Variants in CSMD1 observed in about 807,000 individuals in gnomAD.
CSMD1 encodes the protein CUB and sushi domain-containing protein 1.
Under a neutral mutation model 417.5 loss-of-function variants are expected in CSMD1, and 213 were observed. The observed-to-expected ratio is 0.51, with a 90% CI of 0.46 to 0.57. CSMD1 has a LOEUF of 0.57. Among genes scored for constraint, CSMD1 ranks in the 20% least tolerant of loss-of-function variants. The pLI is 0.00. For synonymous variants in CSMD1, 2,862 were observed against 1,736.8 expected, an observed-to-expected ratio of 1.65 and a Z score of -16.11; for missense variants, 6,923 against 4,529.7, an observed-to-expected ratio of 1.53 and a Z score of -15.17.
intron 1 of CSMD1, among the ~76,000 whole-genome samples, chr8:4,641,913 C>T (rs1447226553): frequency 6.6e-6 from 1 of 152,140 alleles, no homozygotes; most frequent in Non-Finnish European, 1.5e-5. Flanking sequence ...AGTCTTATTA[C>T]CAAAGATAAT....
intron 12 of CSMD1, among the ~76,000 whole-genome samples, chr8:3,435,945 G>C (rs544148170): frequency 6.6e-6 from 1 of 152,204 alleles, no homozygotes; most frequent in Non-Finnish European, 1.5e-5. Context: ...CAATTAACCA[G>C]ATGCAATCCA....
chr8:3,536,600 T>A (rs1018805963), intron 10 of CSMD1, among the ~76,000 whole-genome samples: 1 of 152,130 alleles, frequency 6.6e-6, no homozygotes, highest in Non-Finnish European at 1.5e-5. Flanking sequence ...CCATCATGAA[T>A]AGTGTGAACA....
intron 52 of CSMD1, among the ~76,000 whole-genome samples, chr8:3,002,597 C>T (rs1807504878): frequency 6.6e-6 from 1 of 152,216 alleles, no homozygotes; most frequent in Admixed American, 6.5e-5. Flanking sequence ...GAGCTCCTCT[C>T]ATTTTAGGGA....
intron 1 of CSMD1, among the ~76,000 whole-genome samples, chr8:4,761,912 A>AATCTATCT (rs60693169): frequency 0.026 from 2,656 of 100,876 alleles, 46 homozygotes; most frequent in East Asian, 0.058. Context: ...TCTATCTATC[A>AATCTATCT]ATCTATCTAT....
At chr8:4,468,836 A>G (rs180760784) in intron 2 of CSMD1, among the ~76,000 whole-genome samples, 1 of 152,158 alleles carries the variant, frequency 6.6e-6, no homozygotes, top group African/African-American at 2.4e-5. Context: ...CCCAAACAGC[A>G]ATTGAATTAT....
chr8:4,474,549 A>T (rs575415746), intron 2 of CSMD1, among the ~76,000 whole-genome samples: 1 of 152,286 alleles, frequency 6.6e-6, no homozygotes, highest in African/African-American at 2.4e-5. Context: ...GGGGTTTAGC[A>T]CTTTTGAGAG....
chr8:3,139,311 T>C (rs1054358475), intron 41 of CSMD1, among the ~76,000 whole-genome samples: 1 of 152,124 alleles, frequency 6.6e-6, no homozygotes, highest in African/African-American at 2.4e-5. Context: ...CAACCTCCTA[T>C]ATAGCTAAAG....
At chr8:3,602,433 G>C (rs1042260843) in intron 8 of CSMD1, among the ~76,000 whole-genome samples, 1 of 152,104 alleles carries the variant, frequency 6.6e-6, no homozygotes, top group African/African-American at 2.4e-5. Flanking sequence ...TTAGGGAGCA[G>C]GGGGAATGGC....
At chr8:3,143,274 T>G (rs898167219) in intron 40 of CSMD1, among the ~76,000 whole-genome samples, 2 of 152,206 alleles carry the variant, frequency 1.3e-5, no homozygotes, top group Non-Finnish European at 2.9e-5. Context: ...CACAAGTTTA[T>G]TAGTTTAGCA....
intron 1 of CSMD1, among the ~76,000 whole-genome samples, chr8:4,897,568 T>C (rs970340387): frequency 3.3e-5 from 5 of 152,106 alleles, no homozygotes; most frequent in African/African-American, 7.3e-5. Context: ...TTGCAATTTG[T>C]TACTCCGTTT....
intron 7 of CSMD1, among the ~76,000 whole-genome samples, chr8:3,621,133 C>G (rs1796217523): frequency 1.3e-5 from 2 of 152,134 alleles, no homozygotes; most frequent in Admixed American, 1.3e-4. Context: ...ACCAACCCTG[C>G]CCAAACCTTG....
At chr8:4,347,729 T>C (rs1360225232) in intron 3 of CSMD1, among the ~76,000 whole-genome samples, 1 of 152,162 alleles carries the variant, frequency 6.6e-6, no homozygotes, top group East Asian at 1.9e-4. Context: ...CGTAACTCAA[T>C]TCTGAGTGCC....
chr8:4,350,568 C>T (rs758246081), intron 3 of CSMD1, among the ~76,000 whole-genome samples: 1 of 152,126 alleles, frequency 6.6e-6, no homozygotes, highest in African/African-American at 2.4e-5. Flanking sequence ...CACATTTATT[C>T]AATTAACACT....
chr8:2,990,875 G>A (rs993514368), intron 54 of CSMD1, among the ~76,000 whole-genome samples: 4 of 152,206 alleles, frequency 2.6e-5, no homozygotes, highest in Non-Finnish European at 5.9e-5. Context: ...TCTGTTAGCT[G>A]AGCTTATTGG....
intron 41 of CSMD1, among the ~76,000 whole-genome samples, chr8:3,122,118 C>T (rs1430874156): frequency 6.6e-6 from 1 of 152,042 alleles, no homozygotes; most frequent in Non-Finnish European, 1.5e-5. Flanking sequence ...CTGATTAACT[C>T]AGTGCTATCT....
At chr8:3,239,805 G>A (rs1340115241) in intron 26 of CSMD1, among the ~76,000 whole-genome samples, 1 of 152,116 alleles carries the variant, frequency 6.6e-6, no homozygotes, top group Non-Finnish European at 1.5e-5. Context: ...AGGAAACATG[G>A]GGAAATGGGG....
At chr8:3,893,746 G>C (rs1377163189) in intron 5 of CSMD1, among the ~76,000 whole-genome samples, 1 of 152,034 alleles carries the variant, frequency 6.6e-6, no homozygotes, top group Non-Finnish European at 1.5e-5. Flanking sequence ...CATTCGCTTT[G>C]TAATTGAGCT....
chr8:4,254,141 T>C (rs761341660), intron 3 of CSMD1, among the ~76,000 whole-genome samples: 6 of 151,930 alleles, frequency 3.9e-5, no homozygotes, highest in African/African-American at 1.5e-4. Context: ...GTGGTCTCCA[T>C]CTCCTGACCT....
At chr8:3,241,674 C>A (rs1393340344) in intron 26 of CSMD1, among the ~76,000 whole-genome samples, 3 of 152,142 alleles carry the variant, frequency 2.0e-5, no homozygotes, top group Non-Finnish European at 4.4e-5. Flanking sequence ...ATTTCTGGCA[C>A]TTGTAGCAAG....
Sources: gnomAD v4.1 joint callset for allele counts (sites outside exome capture counted in the v4.1 genomes callset) on GRCh38, gnomAD v4.1.1 for gene constraint, MANE v1.5 for transcripts, NCBI Gene and HGNC (gene_info 2026-07-23, HGNC 2026-07-21) for gene names.